The following VPS13B variants were observed in gnomAD, a reference collection of about 807,000 sequenced individuals.
The protein encoded by VPS13B is intermembrane lipid transfer protein VPS13B.
In VPS13B, 285 loss-of-function variants were observed where a neutral mutation model predicts 426.4. The ratio of observed to expected loss-of-function variants is 0.67; its 90% CI spans 0.61 to 0.74. The LOEUF (loss-of-function observed/expected upper bound fraction) is 0.74, where lower values mean the gene tolerates loss of function less well. Ranked by LOEUF, VPS13B falls within the 30% of genes least tolerant of loss-of-function variation. The pLI is 0.00. For synonymous variants in VPS13B, 1,676 were observed against 1,676.4 expected (o/e 1.00, Z 0.01); for missense variants, 4,537 against 4,782.6 (o/e 0.95, Z 1.51).
At chr8:99,143,773 T>C (rs190078687) in intron 13 of VPS13B, among the ~76,000 whole-genome samples, 64 of 152,318 alleles carry the variant, frequency 4.2e-4, no homozygotes, top group Admixed American at 3.7e-3. Flanking sequence ...TTAATTAACA[T>C]CTTTGATGTT....
chr8:99,491,271 T>A (rs940442609), intron 25 of VPS13B, among the ~76,000 whole-genome samples: 1 of 152,232 alleles, frequency 6.6e-6, no homozygotes, highest in Non-Finnish European at 1.5e-5. Context: ...TAACCTGATC[T>A]TTCTGTCTGG....
At chr8:99,513,406 G>A (rs529508935) in intron 29 of VPS13B, among the ~76,000 whole-genome samples, 3 of 152,138 alleles carry the variant, frequency 2.0e-5, no homozygotes, top group Admixed American at 1.3e-4. Context: ...TGAGAGGGTG[G>A]GATGAGGTAT....
At position 99,832,341 on chromosome 8, in the gene VPS13B, A is replaced by ATTTTTTTTTTTT. The variant is rs370235149; in HGVS notation, c.9331-14_9331-3dup. On this transcript the variant is annotated intron_variant, in intron 51 of 61. Transcript: ENST00000357162. ...TTACTGTAGCTAATGTGCTCTCTGCATTTTTTTTTTTTTTTTTTTTTTTTT... is the reference window on the plus strand; with the variant it reads ...TTACTGTAGCTAATGTGCTCTCTGCATTTTTTTTTTTTTTTTTTTTTTTTTTTTTTTTTTTTT... 109 of 1,195,254 alleles carry ATTTTTTTTTTTT rather than the reference A, an allele frequency of 9.1e-5. 1 individual carries two copies. Among genetic ancestry groups the ATTTTTTTTTTTT allele is most frequent in the East Asian group, 2.5e-4 (7 of 27,624 alleles). The allele number at this position is 1,195,254 out of a possible 1,614,324, so 74.0% of individuals were successfully genotyped here. A position where few individuals can be genotyped will look rare whatever the true frequency, so the allele number is the denominator to read the frequency against.
Position 99,823,840 on chromosome 8 carries a change from G to A in VPS13B, c.9192G>A (p.Gln3064=). 1.2e-6 allele frequency: 2 copies of A among 1,613,464 alleles called. No homozygotes were observed. The highest frequency in any genetic ancestry group is 1.7e-6 in the Non-Finnish European group (2 of 1,179,796). The part of the protein sequence containing the change: ...GAFPGHQKLC[Q]FCISSMVQQG... ...TCTCAATTATCTTGTAGTTATGTCA[G>A]TTCTGCATTTCCTCCATGGTACAGC... Residue 3064 remains glutamine, a synonymous_variant, in exon 51 of 62, where the codon CAG becomes CAA. Coordinates refer to ENST00000357162, the MANE Select transcript of VPS13B (RefSeq NM_152564.5).
chr8:99,421,787 C>T (rs2133381954), intron 21 of VPS13B, among the ~76,000 whole-genome samples: 1 of 152,226 alleles, frequency 6.6e-6, no homozygotes, highest in South Asian at 2.1e-4. Context: ...AAGAGATCCT[C>T]CTGTCTCAGC....
chr8:99,426,801 T>C (rs1816738395), intron 21 of VPS13B, among the ~76,000 whole-genome samples: 2 of 94,988 alleles, frequency 2.1e-5, no homozygotes, highest in Non-Finnish European at 4.0e-5. Flanking sequence ...TCATTGTAGA[T>C]TCTGGATATT....
At chr8:99,433,500 T>C (rs982280712) in intron 22 of VPS13B, among the ~76,000 whole-genome samples, 1 of 152,172 alleles carries the variant, frequency 6.6e-6, no homozygotes, top group African/African-American at 2.4e-5. Flanking sequence ...GCACATAACA[T>C]AGAATTAACA....
chr8:99,106,329 G>A lies in VPS13B; in HGVS notation c.580+3209G>A, dbSNP rs1254451374. 2.0e-5 allele frequency among the ~76,000 whole-genome samples: 3 copies of A among 151,056 alleles called. No homozygotes were observed. In the East Asian group the frequency reaches 5.8e-4, roughly 29 times the overall value. ...AGGTGCCTGTAATCCTAGCTACTTG[G>A]GAGGCTGAGGCAGGAGAATCACTTG... On this transcript the variant is annotated intron_variant, in intron 5 of 61. Transcript: ENST00000357162.
chr8:99,133,933 A>G (rs1009713410), intron 8 of VPS13B, among the ~76,000 whole-genome samples: 11 of 152,202 alleles, frequency 7.2e-5, no homozygotes, highest in Non-Finnish European at 1.5e-4. Flanking sequence ...AGCATGTGCT[A>G]TTGGGAAAAT....
intron 21 of VPS13B, among the ~76,000 whole-genome samples, chr8:99,422,279 A>T (rs1287893662): frequency 6.6e-6 from 1 of 152,190 alleles, no homozygotes; most frequent in Non-Finnish European, 1.5e-5. Flanking sequence ...TAGATTTCAA[A>T]GTCTCTAAAT....
chr8:99,035,557 C>G (rs1842704350), intron 2 of VPS13B, among the ~76,000 whole-genome samples: 2 of 152,072 alleles, frequency 1.3e-5, no homozygotes, highest in South Asian at 4.1e-4. Flanking sequence ...TTACATTTTG[C>G]TTATCCATTC....
intron 54 of VPS13B, among the ~76,000 whole-genome samples, chr8:99,844,580 G>A (rs1273322286): frequency 6.6e-6 from 1 of 151,984 alleles, no homozygotes; most frequent in Non-Finnish European, 1.5e-5. Flanking sequence ...GTGTCAGTCA[G>A]GCTGGTCCCG....
At chr8:99,750,479 T>G (rs185045905) in intron 39 of VPS13B, among the ~76,000 whole-genome samples, 1 of 152,254 alleles carries the variant, frequency 6.6e-6, no homozygotes, top group East Asian at 1.9e-4. Flanking sequence ...GAGTGTTGAC[T>G]ACGACTTCAT....
chr8:99,702,037 G>T (rs909317703), intron 36 of VPS13B, among the ~76,000 whole-genome samples: 5 of 151,990 alleles, frequency 3.3e-5, no homozygotes, highest in Non-Finnish European at 7.4e-5. Flanking sequence ...TCATTGTGTA[G>T]TTGAATGTCT....
chr8:99,336,578 C>A (rs1490928010), intron 19 of VPS13B, among the ~76,000 whole-genome samples: 1 of 152,056 alleles, frequency 6.6e-6, no homozygotes, highest in Non-Finnish European at 1.5e-5. Context: ...TGCAGGCAAC[C>A]TACAAAATGG....
At chr8:99,631,515 G>A (rs1023524280) in intron 33 of VPS13B, among the ~76,000 whole-genome samples, 2 of 151,976 alleles carry the variant, frequency 1.3e-5, no homozygotes, top group African/African-American at 4.8e-5. Flanking sequence ...TAGCAAAATA[G>A]GCAAAGTTTG....
At chr8:99,280,946 T>G (rs928351812) in intron 19 of VPS13B, among the ~76,000 whole-genome samples, 2 of 152,204 alleles carry the variant, frequency 1.3e-5, no homozygotes, top group Admixed American at 1.3e-4. Context: ...TATTCAATCC[T>G]TAGTCTCTTT....
chr8:99,435,987 C>G (rs1817350532), intron 22 of VPS13B, among the ~76,000 whole-genome samples: 1 of 152,068 alleles, frequency 6.6e-6, no homozygotes. Flanking sequence ...ATGGGTCATT[C>G]AAGAAAGTAT....
chr8:99,713,581 A>G (rs1832792949), intron 36 of VPS13B, among the ~76,000 whole-genome samples: 1 of 152,132 alleles, frequency 6.6e-6, no homozygotes, highest in African/African-American at 2.4e-5. Flanking sequence ...TTACCAGTGG[A>G]TAGAGAGAGA....
Sources: allele counts gnomAD v4.1 joint callset (sites outside exome capture counted in the v4.1 genomes callset), GRCh38; gene constraint gnomAD v4.1.1; transcripts MANE v1.5; gene names NCBI Gene and HGNC (gene_info 2026-07-23, HGNC 2026-07-21).